DRC8: variants seen among roughly 807,000 people sequenced by gnomAD.
DRC8 encodes dynein regulatory complex protein 8.
At chr1:244,999,212 G>A in the DRC8 span, among the ~76,000 whole-genome samples, 1 of 150,154 alleles carries the variant, frequency 6.7e-6, no homozygotes, top group Non-Finnish European at 1.5e-5. Flanking sequence ...GGAGAAGTCT[G>A]CCTTTAAGCC....
the DRC8 span, chr1:245,086,594 A>G: frequency 4.7e-6 from 2 of 427,956 alleles, no homozygotes; most frequent in South Asian, 3.5e-5. Flanking sequence ...ATTGCATCAG[A>G]CAGTGTTTAG....
chr1:245,101,972 C>G, the DRC8 span, among the ~76,000 whole-genome samples: 1 of 152,102 alleles, frequency 6.6e-6, no homozygotes, highest in Non-Finnish European at 1.5e-5. Context: ...TTTTGTGACA[C>G]GAGATCAGGG....
At chr1:245,017,471 C>T in the DRC8 span, 1 of 822,864 alleles carries the variant, frequency 1.2e-6, no homozygotes. Flanking sequence ...CGTAAAAGGT[C>T]TTTGCTAGCT....
the DRC8 span, chr1:245,083,605 C>T: frequency 3.1e-6 from 5 of 1,603,234 alleles, no homozygotes; most frequent in South Asian, 5.7e-5. Flanking sequence ...TAATATCTAT[C>T]TTTTCTTTTC....
chr1:245,086,082 G>T, the DRC8 span, among the ~76,000 whole-genome samples: 1 of 152,240 alleles, frequency 6.6e-6, no homozygotes, highest in Non-Finnish European at 1.5e-5. Flanking sequence ...TTCGAAAATG[G>T]TATGTTTACA....
At chr1:245,080,863 C>A in the DRC8 span, among the ~76,000 whole-genome samples, 4 of 152,140 alleles carry the variant, frequency 2.6e-5, no homozygotes, top group African/African-American at 4.8e-5. Context: ...AAGGCCCTGC[C>A]GTCGGGCCCC....
the DRC8 span, chr1:245,087,246 T>C: frequency 1.6e-3 from 2,578 of 1,602,672 alleles, 4 homozygotes; most frequent in Non-Finnish European, 1.9e-3. Context: ...CTCTCTGAGG[T>C]GAGCCTTTTT....
At chr1:245,053,190 ATGT>A in the DRC8 span, among the ~76,000 whole-genome samples, 4 of 152,176 alleles carry the variant, frequency 2.6e-5, no homozygotes, top group Admixed American at 6.5e-5. Context: ...TCTTTGAATA[ATGT>A]TGTTACAAAG....
the DRC8 span, among the ~76,000 whole-genome samples, chr1:245,057,243 A>C: frequency 6.6e-6 from 1 of 152,194 alleles, no homozygotes; most frequent in African/African-American, 2.4e-5. Context: ...CAAGCTTAAA[A>C]CATGTAAGGA....
chr1:245,000,621 A>G, the DRC8 span, among the ~76,000 whole-genome samples: 6 of 152,254 alleles, frequency 3.9e-5, no homozygotes, highest in African/African-American at 1.4e-4. Context: ...TCTACTAAAA[A>G]TACAAAAAAA....
chr1:245,009,146 C>T, the DRC8 span, among the ~76,000 whole-genome samples: 3 of 149,160 alleles, frequency 2.0e-5, no homozygotes, highest in Admixed American at 1.4e-4. Flanking sequence ...AGTGATTCTC[C>T]TGCCTCAGCC....
At chr1:245,033,264 C>T in the DRC8 span, among the ~76,000 whole-genome samples, 2 of 152,132 alleles carry the variant, frequency 1.3e-5, no homozygotes, top group African/African-American at 4.8e-5. Context: ...AGCTTATGGG[C>T]CTTAGCCACA....
the DRC8 span, among the ~76,000 whole-genome samples, chr1:244,992,888 G>T: frequency 6.6e-6 from 1 of 152,228 alleles, no homozygotes; most frequent in African/African-American, 2.4e-5. Context: ...TCTGGCTGTA[G>T]CTTTACTGGG....
At chr1:245,111,664 G>A in the DRC8 span, among the ~76,000 whole-genome samples, 1 of 152,158 alleles carries the variant, frequency 6.6e-6, no homozygotes. Flanking sequence ...ATGCCTGTTG[G>A]CACCTGAACC....
chr1:245,116,704 A>G, the DRC8 span, among the ~76,000 whole-genome samples: 1 of 152,226 alleles, frequency 6.6e-6, no homozygotes, highest in African/African-American at 2.4e-5. Context: ...CCTATTTTTT[A>G]TCTTAAACTA....
At chr1:245,023,270 C>G in the DRC8 span, among the ~76,000 whole-genome samples, 1 of 152,170 alleles carries the variant, frequency 6.6e-6, no homozygotes, top group Non-Finnish European at 1.5e-5. Flanking sequence ...GTTCATCCAT[C>G]TGTGTATTGA....
At chr1:245,022,981 A>G in the DRC8 span, 2 of 152,346 alleles carry the variant, frequency 1.3e-5, no homozygotes, top group Non-Finnish European at 1.5e-5. Context: ...GGTGCCTCAT[A>G]TATCAATGGA....
the DRC8 span, among the ~76,000 whole-genome samples, chr1:245,106,850 G>C: frequency 6.6e-6 from 1 of 152,264 alleles, no homozygotes; most frequent in African/African-American, 2.4e-5. Context: ...GACCAGCCTG[G>C]CTGGCCAACA....
chr1:245,041,173 A>G, the DRC8 span, among the ~76,000 whole-genome samples: 1 of 152,182 alleles, frequency 6.6e-6, no homozygotes, highest in Non-Finnish European at 1.5e-5. Flanking sequence ...GAGAGCAAAT[A>G]TAAAGGCCCT....
Sources: gnomAD v4.1 joint callset for allele counts (sites outside exome capture counted in the v4.1 genomes callset) on GRCh38, gnomAD v4.1.1 for gene constraint, MANE v1.5 for transcripts, NCBI Gene and HGNC (gene_info 2026-07-23, HGNC 2026-07-21) for gene names.